The following TENM3 variants were observed in gnomAD, a reference collection of about 807,000 sequenced individuals.
The protein encoded by TENM3 is teneurin-3.
A neutral mutation model predicts 255.1 loss-of-function variants in TENM3; 63 were observed. That is an observed-to-expected ratio of 0.25 (90% CI 0.20 to 0.30). TENM3 has a LOEUF of 0.30. Ranked by LOEUF, TENM3 falls within the 10% of genes least tolerant of loss-of-function variation. The probability of loss-of-function intolerance (pLI) is 1.00; values close to 1 mark genes in which losing one functional copy is unlikely to be tolerated. For missense variants in TENM3, 2,929 were observed against 3,461.1 expected (o/e 0.85, Z 3.86); for synonymous variants, 1,306 against 1,322.3 (o/e 0.99, Z 0.27).
chr4:182,279,162 G>T (rs758735529), intron 1 of TENM3, among the ~76,000 whole-genome samples: 1 of 152,160 alleles, frequency 6.6e-6, no homozygotes, highest in Non-Finnish European at 1.5e-5. Flanking sequence ...TGAGTGATCC[G>T]CAGTGTCTTT....
the TENM3 span, among the ~76,000 whole-genome samples, chr4:182,119,438 G>A: frequency 2.2e-4 from 33 of 151,742 alleles, no homozygotes; most frequent in Middle Eastern, 3.4e-3. Flanking sequence ...CATCAATTAC[G>A]GTTCCGGTTT....
the TENM3 span, among the ~76,000 whole-genome samples, chr4:181,801,950 G>A: frequency 6.6e-6 from 1 of 151,934 alleles, no homozygotes; most frequent in African/African-American, 2.4e-5. Context: ...ACAGAAAAAT[G>A]CCCAAGCAGA....
chr4:181,896,152 A>C, the TENM3 span, among the ~76,000 whole-genome samples: 5 of 152,190 alleles, frequency 3.3e-5, no homozygotes, highest in Non-Finnish European at 7.3e-5. Context: ...TATCCATGGA[A>C]GAGAGCAGGC....
intron 1 of TENM3, among the ~76,000 whole-genome samples, chr4:182,176,134 G>T (rs937155689): frequency 9.0e-6 from 1 of 110,654 alleles, no homozygotes; most frequent in Non-Finnish European, 1.9e-5. Context: ...TGTTAGACTT[G>T]TATCACACAG....
At chr4:182,281,606 C>T (rs369361787) in intron 1 of TENM3, among the ~76,000 whole-genome samples, 3 of 152,136 alleles carry the variant, frequency 2.0e-5, no homozygotes, top group East Asian at 1.9e-4. Context: ...CCTCCCACCT[C>T]AGACTCCTGG....
the TENM3 span, among the ~76,000 whole-genome samples, chr4:182,005,329 C>A: frequency 2.1e-3 from 323 of 152,248 alleles, 2 homozygotes; most frequent in African/African-American, 7.6e-3. Flanking sequence ...ATGGGAGATC[C>A]TTTCTCCATT....
the TENM3 span, among the ~76,000 whole-genome samples, chr4:181,679,279 A>G: frequency 6.6e-6 from 1 of 151,986 alleles, no homozygotes; most frequent in Non-Finnish European, 1.5e-5. Context: ...CTTCCACCAC[A>G]TGGCTGCAAT....
intron 13 of TENM3, among the ~76,000 whole-genome samples, chr4:182,720,604 C>T (rs1759638959): frequency 6.6e-6 from 1 of 152,126 alleles, no homozygotes; most frequent in South Asian, 2.1e-4. Context: ...TAGTGAATCC[C>T]ATTCTGGGGG....
At chr4:181,854,427 T>C in the TENM3 span, among the ~76,000 whole-genome samples, 1 of 152,196 alleles carries the variant, frequency 6.6e-6, no homozygotes, top group Non-Finnish European at 1.5e-5. Flanking sequence ...AAGCAGTTAA[T>C]TTAAGAACCA....
the TENM3 span, among the ~76,000 whole-genome samples, chr4:181,568,538 T>C: frequency 6.6e-6 from 1 of 152,116 alleles, no homozygotes; most frequent in Non-Finnish European, 1.5e-5. Flanking sequence ...CGTATCCTCA[T>C]GCTTCCTCTT....
chr4:182,041,253 C>A, the TENM3 span, among the ~76,000 whole-genome samples: 3 of 152,186 alleles, frequency 2.0e-5, no homozygotes, highest in African/African-American at 2.4e-5. Flanking sequence ...TTCAACATAA[C>A]CTTGATCTAA....
chr4:181,666,338 A>G, the TENM3 span, among the ~76,000 whole-genome samples: 3 of 152,202 alleles, frequency 2.0e-5, no homozygotes, highest in Non-Finnish European at 4.4e-5. Context: ...CAGAAAATGT[A>G]TTATACATTT....
At chr4:181,679,756 C>T in the TENM3 span, among the ~76,000 whole-genome samples, 1 of 152,110 alleles carries the variant, frequency 6.6e-6, no homozygotes, top group Admixed American at 6.6e-5. Flanking sequence ...CTGAATTACA[C>T]TAAATAGTGC....
the TENM3 span, among the ~76,000 whole-genome samples, chr4:182,057,288 C>G: frequency 7.3e-6 from 1 of 136,098 alleles, no homozygotes; most frequent in African/African-American, 3.4e-5. Context: ...AGAAATTTCT[C>G]AAAGAGAGAG....
chr4:182,486,367 A>T (rs1004645855), intron 3 of TENM3, among the ~76,000 whole-genome samples: 1 of 151,912 alleles, frequency 6.6e-6, no homozygotes, highest in Non-Finnish European at 1.5e-5. Context: ...GAGCTACTAT[A>T]ATAAATAAAC....
intron 23 of TENM3, 160 bp downstream of exon 23, chr4:182,773,807 T>C (rs1472177268): frequency 1.1e-5 from 6 of 551,490 alleles, no homozygotes; most frequent in East Asian, 3.0e-5. Context: ...ATTTATTTAC[T>C]TGTATAGACA....
the TENM3 span, among the ~76,000 whole-genome samples, chr4:181,820,534 C>G: frequency 1.3e-5 from 2 of 151,036 alleles, no homozygotes; most frequent in Non-Finnish European, 2.9e-5. Context: ...GGATAAAAAG[C>G]CTTCACCCCT....
intron 3 of TENM3, among the ~76,000 whole-genome samples, chr4:182,589,683 C>T (rs1056365761): frequency 5.3e-5 from 8 of 151,920 alleles, no homozygotes; most frequent in South Asian, 4.1e-4. Flanking sequence ...CTTTTAAAAA[C>T]GGTTTGCGGC....
chr4:181,898,277 C>G, the TENM3 span, among the ~76,000 whole-genome samples: 52,140 of 151,540 alleles, frequency 0.34, 9,053 homozygotes, highest in East Asian at 0.49. Flanking sequence ...CACACACACA[C>G]ACACACACCT....
Sources: gnomAD v4.1 joint callset for allele counts (sites outside exome capture counted in the v4.1 genomes callset) on GRCh38, gnomAD v4.1.1 for gene constraint, MANE v1.5 for transcripts, NCBI Gene and HGNC (gene_info 2026-07-23, HGNC 2026-07-21) for gene names.